The following PCDHGA6 variants were observed in gnomAD, a reference collection of about 807,000 sequenced individuals.
PCDHGA6 encodes the protein protocadherin gamma-A6.
PCDHGA6 carries 41 observed loss-of-function variants against 60.6 expected under a neutral mutation model. That is an observed-to-expected ratio of 0.68 (90% CI 0.53 to 0.88). The LOEUF (loss-of-function observed/expected upper bound fraction) is 0.88, where lower values mean the gene tolerates loss of function less well. Among genes scored for constraint, PCDHGA6 ranks in the 40% least tolerant of loss-of-function variants. The pLI is 0.00. For missense variants in PCDHGA6, 1,312 were observed against 1,203.0 expected, an observed-to-expected ratio of 1.09 and a Z score of -1.34; for synonymous variants, 594 against 524.4, an observed-to-expected ratio of 1.13 and a Z score of -1.81.
At chr5:141,461,328 A>G (rs2154567322) in intron 1 of PCDHGA6, among the ~76,000 whole-genome samples, 1 of 152,282 alleles carries the variant, frequency 6.6e-6, no homozygotes, top group East Asian at 1.9e-4. Flanking sequence ...AATAATGGCC[A>G]TTCTTGCAGG....
At chr5:141,398,255 A>T (rs1244403375) in intron 1 of PCDHGA6, 1 of 1,457,928 alleles carries the variant, frequency 6.9e-7, no homozygotes, top group African/African-American at 1.4e-5. Context: ...GAAATGCCCA[A>T]GGGCTCCGTA....
intron 2 of PCDHGA6, among the ~76,000 whole-genome samples, chr5:141,500,292 T>A (rs1001226545): frequency 2.0e-5 from 3 of 151,954 alleles, no homozygotes; most frequent in Non-Finnish European, 4.4e-5. Context: ...CACTGCAAGC[T>A]CCGCCTCCCA....
At chr5:141,423,940 G>T in intron 1 of PCDHGA6, 1 of 1,217,216 alleles carries the variant, frequency 8.2e-7, no homozygotes, top group Non-Finnish European at 1.0e-6. Context: ...TTTGAAGTAA[G>T]TTGAATTTTA....
chr5:141,463,097 C>A (rs1333118215), intron 1 of PCDHGA6, among the ~76,000 whole-genome samples: 2 of 152,152 alleles, frequency 1.3e-5, no homozygotes, highest in East Asian at 3.8e-4. Context: ...CCCTATGTGA[C>A]CATCAAGAAT....
intron 1 of PCDHGA6, chr5:141,390,043 C>A (rs1022492557): frequency 1.9e-6 from 3 of 1,613,946 alleles, no homozygotes; most frequent in Non-Finnish European, 2.5e-6. Context: ...TCCAGCCCCG[C>A]CTCCTGGAGC....
intron 1 of PCDHGA6, chr5:141,428,225 A>G (rs775012950): frequency 4.3e-6 from 5 of 1,156,574 alleles, no homozygotes; most frequent in Non-Finnish European, 6.3e-6. Flanking sequence ...GTCTTCGCAG[A>G]CAGCCTGCAG....
chr5:141,508,540 G>A (rs993826709), intron 3 of PCDHGA6, among the ~76,000 whole-genome samples: 3 of 152,144 alleles, frequency 2.0e-5, no homozygotes, highest in African/African-American at 4.8e-5. Flanking sequence ...CCCCCCACGA[G>A]GTGGGCGGGG....
intron 1 of PCDHGA6, among the ~76,000 whole-genome samples, chr5:141,380,756 T>C (rs777302606): frequency 2.0e-5 from 3 of 152,238 alleles, no homozygotes; most frequent in Non-Finnish European, 4.4e-5. Context: ...ACCAAGACAC[T>C]ATAAATTAAT....
intron 1 of PCDHGA6, chr5:141,394,345 C>T (rs748471730): frequency 1.2e-6 from 2 of 1,614,146 alleles, no homozygotes; most frequent in Non-Finnish European, 1.7e-6. Context: ...AACTCTGACA[C>T]CGGTGTCCTG....
Position 141,491,906 on chromosome 5 carries a change from T to A in PCDHGA6, c.2425-2901T>A, listed in dbSNP as rs1490050332. On this transcript the variant is annotated intron_variant, in intron 1 of 3. Transcript: ENST00000517434. The surrounding 1 kb of genome is among the most constrained non-coding windows in gnomAD (Gnocchi z 6.9). ...ATGGGGCTCCGAGCACCGGGGGTGG[T>A]GGCGACTGTGGGCGAGGGGAGGTGG... is the stretch of plus-strand genomic sequence containing the variant. 7.1e-7 allele frequency: 1 copy of A among 1,414,468 alleles called. No individual in the cohort carries two copies. Among genetic ancestry groups the A allele is most frequent in the African/African-American group, 1.4e-5 (1 of 69,002 alleles). 87.6% of individuals were successfully genotyped at this position (1,414,468 alleles called of 1,614,324 possible).
intron 2 of PCDHGA6, among the ~76,000 whole-genome samples, chr5:141,496,054 G>A (rs180707408): frequency 6.6e-6 from 1 of 150,988 alleles, no homozygotes; most frequent in Admixed American, 6.6e-5. Context: ...TTTTGTGCTT[G>A]TGGGCAAGCC....
rs780863525 is a variant in PCDHGA6 at position 141,384,110 on chromosome 5, T to C, written c.2424+7603T>C. The stretch of plus-strand genomic sequence containing the variant: ...AAATCAATAGATAATTATTATAGAT[T>C]GGTCACAACCAAAAACTTGGACCGG... On this transcript the variant is annotated intron_variant, in intron 1 of 3. Transcript: ENST00000517434. The C allele has an allele frequency of 5.0e-6, 8 of 1,604,780 alleles. No homozygotes were observed. The South Asian group carries it at 7.8e-5, about 16-fold the overall frequency.
intron 2 of PCDHGA6, among the ~76,000 whole-genome samples, chr5:141,499,352 CA>C (rs2099791418): frequency 6.6e-6 from 1 of 152,058 alleles, no homozygotes; most frequent in South Asian, 2.1e-4. Context: ...AGTCATTCAA[CA>C]AACAAATAGC....
intron 1 of PCDHGA6, chr5:141,420,053 T>C (rs1178680836): frequency 3.1e-6 from 5 of 1,613,970 alleles, no homozygotes; most frequent in Non-Finnish European, 2.5e-6. Context: ...GTCAGTTCTC[T>C]GCTCCAAGTC....
At chr5:141,441,948 G>A in intron 1 of PCDHGA6, 1 of 332,472 alleles carries the variant, frequency 3.0e-6, no homozygotes, top group Non-Finnish European at 5.8e-6. Flanking sequence ...ACGTGCTGCA[G>A]GCCAGCAAGC....
chr5:141,400,579 A>G (rs748573702), intron 1 of PCDHGA6: 2 of 1,610,854 alleles, frequency 1.2e-6, no homozygotes, highest in Non-Finnish European at 1.7e-6. Flanking sequence ...TTCTGTATTT[A>G]CATGAAACTA....
At position 141,512,280 on chromosome 5, in the gene PCDHGA6, TGGAAGGGTCAGC is replaced by T. The variant is rs1187119941; in HGVS notation, c.*1111_*1122del. The T allele has an allele frequency of 1.3e-5, 2 of 152,682 alleles. No individual in the cohort carries two copies. Among genetic ancestry groups the T allele is most frequent in the African/African-American group, 2.4e-5 (1 of 41,396 alleles). 9.5% of individuals were successfully genotyped at this position (152,682 alleles called of 1,614,324 possible). ...CTGGGTACTCCAGAGGTGCCACTGGTGGAAGGGTCAGCGGAGCCCCAGCAGGAAGGGTGGGCC... is the reference window on the plus strand; with the variant it reads ...CTGGGTACTCCAGAGGTGCCACTGGTGGAGCCCCAGCAGGAAGGGTGGGCC... On this transcript the variant is annotated 3_prime_UTR_variant, in exon 4 of 4. Transcript: ENST00000517434.
At chr5:141,449,016 C>T (rs2098623330) in intron 1 of PCDHGA6, among the ~76,000 whole-genome samples, 1 of 152,008 alleles carries the variant, frequency 6.6e-6, no homozygotes, top group African/African-American at 2.4e-5. Context: ...TTAACAGTTG[C>T]TTAGCATTCC....
intron 2 of PCDHGA6, among the ~76,000 whole-genome samples, chr5:141,505,050 T>C (rs1190927211): frequency 2.0e-5 from 3 of 152,130 alleles, no homozygotes; most frequent in Non-Finnish European, 4.4e-5. Context: ...TCATCCCAGC[T>C]ACTTGGGAGA....
Sources: allele counts gnomAD v4.1 joint callset (sites outside exome capture counted in the v4.1 genomes callset), GRCh38; gene constraint gnomAD v4.1.1; non-coding constraint Gnocchi (gnomAD v3.1); transcripts MANE v1.5; gene names NCBI Gene and HGNC (gene_info 2026-07-23, HGNC 2026-07-21).